Variants in OR51B5 observed in about 807,000 individuals in gnomAD.
OR51B5 encodes olfactory receptor 51B5.
For missense variants in OR51B5, 456 were observed against 374.6 expected, an observed-to-expected ratio of 1.22 and a Z score of -1.79; for synonymous variants, 186 against 144.8, an observed-to-expected ratio of 1.28 and a Z score of -2.04.
At chr11:5,352,429 C>A (rs199905644) in intron 1 of OR51B5, 89 of 1,594,864 alleles carry the variant, frequency 5.6e-5, no homozygotes, top group Middle Eastern at 3.3e-4. Context: ...ATTCTCTCTG[C>A]CTCACTCTAG....
At chr11:5,377,467 T>C (rs1589962644) in intron 1 of OR51B5, among the ~76,000 whole-genome samples, 3 of 152,170 alleles carry the variant, frequency 2.0e-5, no homozygotes, top group African/African-American at 4.8e-5. Flanking sequence ...CCAGGGCAAT[T>C]AGGCAGAAGA....
At chr11:5,408,170 C>T (rs540272301) in intron 1 of OR51B5, among the ~76,000 whole-genome samples, 1 of 152,234 alleles carries the variant, frequency 6.6e-6, no homozygotes, top group Non-Finnish European at 1.5e-5. Context: ...TCACTGTTTA[C>T]AGCAAGCTGC....
chr11:5,446,514 A>T (rs1850765838), intron 1 of OR51B5, among the ~76,000 whole-genome samples: 1 of 152,172 alleles, frequency 6.6e-6, no homozygotes, highest in South Asian at 2.1e-4. Context: ...AACTAATACA[A>T]GTGATATCAA....
chr11:5,468,620 C>G (rs1319004274), intron 1 of OR51B5: 3 of 454,910 alleles, frequency 6.6e-6, no homozygotes, highest in African/African-American at 6.0e-5. Context: ...AGCATGCCTC[C>G]CAAATCGATG....
Position 5,441,114 on chromosome 11 carries a change from T to A in OR51B5, n.84+64455A>T, listed in dbSNP as rs777497619. On this transcript the variant is annotated intron_variant and non_coding_transcript_variant, in intron 1 of 4. Transcript: ENST00000415970. Reference sequence around the variant, plus strand: ...ACGGTTGTGAGTGAGCACAGTGACATAGCGTAATGGATAACAAATAGCCAC... The same window carrying A: ...ACGGTTGTGAGTGAGCACAGTGACAAAGCGTAATGGATAACAAATAGCCAC... 3.7e-6 allele frequency: 6 copies of A among 1,613,796 alleles called. 1 individual carries two copies. The highest frequency in any genetic ancestry group is 8.5e-7 in the Non-Finnish European group (1 of 1,179,924).
chr11:5,505,257 G>GT (rs1000328875), intron 1 of OR51B5: 6 of 1,230,578 alleles, frequency 4.9e-6, no homozygotes, highest in East Asian at 5.8e-5. Flanking sequence ...TAGGTTTTTT[G>GT]TTTTTTTCCT....
At chr11:5,380,528 T>G (rs1343810623) in intron 1 of OR51B5, among the ~76,000 whole-genome samples, 1 of 152,090 alleles carries the variant, frequency 6.6e-6, no homozygotes, top group Non-Finnish European at 1.5e-5. Flanking sequence ...CTGTTGTGAG[T>G]CTGGAGACAT....
rs537594796 is a variant in OR51B5 at position 5,430,771 on chromosome 11, A to G, written n.84+74798T>C. The G allele has an allele frequency of 5.7e-5, 26 of 457,298 alleles. 2 individuals are homozygous for G. The East Asian group carries it at 1.2e-3, about 21-fold the overall frequency. The allele number at this position is 457,298 out of a possible 1,614,324, so 28.3% of individuals were successfully genotyped here. A position where few individuals can be genotyped will look rare whatever the true frequency, so the allele number is the denominator to read the frequency against. ...TGGCACCAAAAGGCAGATGCTAGACATAAGTGTGTGGACAATGGGAGAAGC... is the reference window on the plus strand; with the variant it reads ...TGGCACCAAAAGGCAGATGCTAGACGTAAGTGTGTGGACAATGGGAGAAGC... On this transcript the variant is annotated intron_variant and non_coding_transcript_variant, in intron 1 of 4. Transcript: ENST00000415970.
chr11:5,393,856 G>A (rs939167336), intron 1 of OR51B5, among the ~76,000 whole-genome samples: 21 of 151,980 alleles, frequency 1.4e-4, no homozygotes, highest in African/African-American at 1.4e-4. Context: ...AATATCAAGC[G>A]CATCTGATTT....
intron 1 of OR51B5, among the ~76,000 whole-genome samples, chr11:5,444,621 T>C (rs1850735989): frequency 6.6e-6 from 1 of 152,152 alleles, no homozygotes; most frequent in Non-Finnish European, 1.5e-5. Context: ...GGATGGAAGA[T>C]GCTTTCCTTG....
chr11:5,497,647 C>T (rs757806634), intron 1 of OR51B5, among the ~76,000 whole-genome samples: 2 of 152,126 alleles, frequency 1.3e-5, no homozygotes, highest in Non-Finnish European at 2.9e-5. Flanking sequence ...AAGGTTGCTG[C>T]CTAGAGACAC....
intron 1 of OR51B5, among the ~76,000 whole-genome samples, chr11:5,452,633 C>G (rs10838133): frequency 0.13 from 18,994 of 145,584 alleles, 1,287 homozygotes; most frequent in East Asian, 0.22. Flanking sequence ...TGAGCGTCTT[C>G]TTAGACTATG....
intron 1 of OR51B5, among the ~76,000 whole-genome samples, chr11:5,355,995 A>C (rs1849187972): frequency 1.3e-5 from 2 of 149,166 alleles, no homozygotes; most frequent in Admixed American, 6.7e-5. Context: ...ATCATCAAAG[A>C]CCAAAGGTAG....
In OR51B5 at chr11:5,342,692, T is replaced by C. The variant is rs1486544756; in HGVS notation, c.833A>G (p.Tyr278Cys). The change falls in exon 1 of 1, where the codon TAT becomes TGT. Residue 278 changes from tyrosine (Y) to cysteine (C), a missense_variant. Transcript: ENST00000300773. ...ATTCATTAGTGGAGGGAACAGAAAA[T>C]AGGCATAGCTCATAATGAGGTGAAC... 1.4e-5 allele frequency: 23 copies of C among 1,613,794 alleles called. No homozygotes were observed. The South Asian group carries it at 2.4e-4, about 17-fold the overall frequency.
At chr11:5,404,011 T>C (rs1396855919) in intron 1 of OR51B5, among the ~76,000 whole-genome samples, 1 of 152,020 alleles carries the variant, frequency 6.6e-6, no homozygotes, top group Non-Finnish European at 1.5e-5. Context: ...CTACAGGCTA[T>C]GATGTGGCAT....
At chr11:5,379,197 A>G (rs1317054412) in intron 1 of OR51B5, among the ~76,000 whole-genome samples, 1 of 152,018 alleles carries the variant, frequency 6.6e-6, no homozygotes, top group Non-Finnish European at 1.5e-5. Flanking sequence ...CATTCTCAGT[A>G]AACTATCGCA....
chr11:5,400,639 G>A (rs1364378899), intron 1 of OR51B5, among the ~76,000 whole-genome samples: 2 of 152,106 alleles, frequency 1.3e-5, no homozygotes, highest in East Asian at 1.9e-4. Context: ...TAATATAATT[G>A]CAACCAGCTT....
At chr11:5,404,298 C>T (rs1267079103) in intron 1 of OR51B5, among the ~76,000 whole-genome samples, 1 of 151,968 alleles carries the variant, frequency 6.6e-6, no homozygotes, top group African/African-American at 2.4e-5. Context: ...TCTAGCTAAT[C>T]GGGTGGGGAC....
chr11:5,482,521 T>G (rs1350059098), intron 1 of OR51B5, among the ~76,000 whole-genome samples: 888 of 91,456 alleles, frequency 9.7e-3, no homozygotes, highest in South Asian at 0.02. Context: ...CTAATTAAAC[T>G]AAAGAGCTTC....
Sources: gnomAD v4.1 joint callset for allele counts (sites outside exome capture counted in the v4.1 genomes callset) on GRCh38, gnomAD v4.1.1 for gene constraint, MANE v1.5 for transcripts, NCBI Gene and HGNC (gene_info 2026-07-23, HGNC 2026-07-21) for gene names.